The following TTC29 variants were observed in gnomAD, a reference collection of about 807,000 sequenced individuals.
TTC29 encodes the protein tetratricopeptide repeat protein 29.
A neutral mutation model predicts 58.1 loss-of-function variants in TTC29; 49 were observed. That is an observed-to-expected ratio of 0.84 (90% CI 0.67 to 1.07). TTC29 has a LOEUF of 1.07. Among genes scored for constraint, TTC29 ranks in the 50% least tolerant of loss-of-function variants. TTC29 has a pLI of 0.00. For missense variants in TTC29, 582 were observed against 555.6 expected (o/e 1.05, Z -0.48); for synonymous variants, 209 against 196.8 (o/e 1.06, Z -0.52).
At chr4:146,783,765 C>T (rs986134332) in intron 11 of TTC29, among the ~76,000 whole-genome samples, 19 of 151,702 alleles carry the variant, frequency 1.3e-4, no homozygotes, top group African/African-American at 3.4e-4. Flanking sequence ...ATAGGAGCAT[C>T]TCAGAAATTT....
chr4:146,811,978 G>A (rs549774260), intron 10 of TTC29, among the ~76,000 whole-genome samples: 2 of 152,086 alleles, frequency 1.3e-5, no homozygotes, highest in Admixed American at 1.3e-4. Context: ...TTGCTGAGGT[G>A]AACAATTCTT....
chr4:146,903,725 G>T lies in TTC29; in HGVS notation c.405C>A (p.Ser135=). The part of the protein sequence containing the change: ...TRAEDAERKE[S]FEDVHNNLYA... ...ACAAGTTATTATGTACATCTTCGAAGGATTCTTCAAAGAGAGAAAAGCACC... is the reference window on the plus strand; with the variant it reads ...ACAAGTTATTATGTACATCTTCGAATGATTCTTCAAAGAGAGAAAAGCACC... The change falls in exon 6 of 13, where the codon TCC becomes TCA. Residue 135 remains serine (S), a synonymous_variant. Coordinates refer to ENST00000325106, the MANE Select transcript of TTC29 (RefSeq NM_031956.4). 2.6e-6 allele frequency: 4 copies of T among 1,565,774 alleles called. No homozygotes were observed. The highest frequency in any genetic ancestry group is 3.5e-6 in the Non-Finnish European group (4 of 1,156,494).
chr4:146,816,932 C>T (rs1042972660), intron 10 of TTC29, among the ~76,000 whole-genome samples: 2 of 152,058 alleles, frequency 1.3e-5, no homozygotes, highest in African/African-American at 2.4e-5. Flanking sequence ...ACCATTGCCA[C>T]CCAGAATTAT....
intron 11 of TTC29, among the ~76,000 whole-genome samples, chr4:146,717,079 A>G (rs1277873482): frequency 1.3e-5 from 2 of 152,152 alleles, no homozygotes; most frequent in African/African-American, 4.8e-5. Flanking sequence ...AAGTTTGACA[A>G]TCGTTGCTTT....
intron 8 of TTC29, among the ~76,000 whole-genome samples, chr4:146,856,651 CAG>C (rs1021528065): frequency 3.3e-5 from 5 of 150,416 alleles, no homozygotes; most frequent in South Asian, 2.1e-4. Context: ...AAAAAAGAAA[CAG>C]ATGCATATTT....
chr4:146,777,197 G>A (rs1333038009), intron 11 of TTC29, among the ~76,000 whole-genome samples: 1 of 152,098 alleles, frequency 6.6e-6, no homozygotes, highest in African/African-American at 2.4e-5. Flanking sequence ...TATTAGGTTC[G>A]CGCACAAGTA....
chr4:146,849,670 T>C (rs1309746621), intron 8 of TTC29, among the ~76,000 whole-genome samples: 2 of 151,246 alleles, frequency 1.3e-5, no homozygotes, highest in African/African-American at 4.9e-5. Context: ...CCTTTTCACT[T>C]AGAAAAAAAA....
intron 4 of TTC29, among the ~76,000 whole-genome samples, chr4:146,921,227 CT>C (rs924622249): frequency 2.0e-5 from 3 of 151,232 alleles, no homozygotes; most frequent in African/African-American, 7.3e-5. Context: ...TATAAAAGAT[CT>C]TGTATATAAA....
intron 10 of TTC29, 42 bp from the exon 11 acceptor site, chr4:146,803,727 G>A: frequency 1.4e-6 from 2 of 1,454,960 alleles, no homozygotes; most frequent in South Asian, 2.7e-5. Context: ...TACTTTTAAT[G>A]TCACCATTTC....
At chr4:146,756,198 G>A (rs1362867034) in intron 11 of TTC29, among the ~76,000 whole-genome samples, 1 of 151,172 alleles carries the variant, frequency 6.6e-6, no homozygotes. Context: ...GTGTGAACTC[G>A]GGAGGCAGAG....
intron 8 of TTC29, among the ~76,000 whole-genome samples, chr4:146,854,530 T>C (rs1729714595): frequency 6.6e-6 from 1 of 152,106 alleles, no homozygotes. Context: ...CCCCCTCAAT[T>C]GTTCTTAATA....
chr4:146,731,569 C>T (rs1322901515), intron 11 of TTC29, among the ~76,000 whole-genome samples: 3 of 152,092 alleles, frequency 2.0e-5, no homozygotes, highest in Non-Finnish European at 4.4e-5. Flanking sequence ...GAACGGACCA[C>T]AGAGTTTAAG....
At chr4:146,921,930 T>A (rs951841999) in intron 4 of TTC29, among the ~76,000 whole-genome samples, 4 of 149,042 alleles carry the variant, frequency 2.7e-5, no homozygotes, top group Non-Finnish European at 4.5e-5. Context: ...ATTGATACAT[T>A]TAGTACACAT....
intron 5 of TTC29, among the ~76,000 whole-genome samples, chr4:146,907,630 T>C (rs1020290521): frequency 6.6e-6 from 1 of 152,210 alleles, no homozygotes; most frequent in African/African-American, 2.4e-5. Context: ...TCTGAGTAGC[T>C]GGGATTACAG....
At chr4:146,803,732 CA>C in intron 10 of TTC29, 47 bp from the exon 11 acceptor site, 1 of 1,434,150 alleles carries the variant, frequency 7.0e-7, no homozygotes, top group Non-Finnish European at 9.3e-7. Context: ...TTAATGTCAC[CA>C]TTTCACATAT....
chr4:146,893,344 T>C (rs985489808), intron 6 of TTC29, among the ~76,000 whole-genome samples: 4 of 152,026 alleles, frequency 2.6e-5, no homozygotes, highest in Non-Finnish European at 5.9e-5. Context: ...TATAGACCAA[T>C]GGAACAGAAC....
intron 5 of TTC29, among the ~76,000 whole-genome samples, chr4:146,904,811 G>T (rs1231806191): frequency 6.6e-6 from 1 of 152,100 alleles, no homozygotes; most frequent in Non-Finnish European, 1.5e-5. Flanking sequence ...TAGGACACCT[G>T]TAAGATTAAA....
intron 11 of TTC29, among the ~76,000 whole-genome samples, chr4:146,749,621 T>G (rs551700156): frequency 6.6e-6 from 1 of 152,278 alleles, no homozygotes; most frequent in African/African-American, 2.4e-5. Context: ...CAAGCATACT[T>G]AATCAAATAA....
At chr4:146,876,884 C>G (rs1021220245) in intron 6 of TTC29, among the ~76,000 whole-genome samples, 1 of 141,834 alleles carries the variant, frequency 7.1e-6, no homozygotes, top group Admixed American at 7.9e-5. Flanking sequence ...TGTGGTGAGC[C>G]GAGATCATGC....
Sources: gnomAD v4.1 joint callset for allele counts (sites outside exome capture counted in the v4.1 genomes callset) on GRCh38, gnomAD v4.1.1 for gene constraint, MANE v1.5 for transcripts, NCBI Gene and HGNC (gene_info 2026-07-23, HGNC 2026-07-21) for gene names.